Variants in DLG2 observed in about 807,000 individuals in gnomAD.
DLG2 encodes the protein disks large homolog 2.
DLG2 carries 45 observed loss-of-function variants against 132.5 expected under a neutral mutation model. That is an observed-to-expected ratio of 0.34 (90% CI 0.27 to 0.44). The LOEUF (loss-of-function observed/expected upper bound fraction) is 0.44. DLG2 is among the 20% of genes least tolerant of loss of function. The probability of loss-of-function intolerance (pLI) is 1.00; values close to 1 mark genes in which losing one functional copy is unlikely to be tolerated. For missense variants in DLG2, 1,045 were observed against 1,196.9 expected (o/e 0.87, Z 1.87); for synonymous variants, 424 against 419.6 (o/e 1.01, Z -0.13).
At chr11:84,312,442 G>A (rs978995227) in intron 7 of DLG2, among the ~76,000 whole-genome samples, 3 of 152,144 alleles carry the variant, frequency 2.0e-5, no homozygotes, top group African/African-American at 7.2e-5. Context: ...TGGCACCATG[G>A]CATTCCAGGA....
chr11:84,531,111 G>T (rs187437385), intron 7 of DLG2, among the ~76,000 whole-genome samples: 1 of 151,732 alleles, frequency 6.6e-6, no homozygotes, highest in Non-Finnish European at 1.5e-5. Context: ...GGGAAACTTC[G>T]TTTCAAAAAA....
intron 20 of DLG2, among the ~76,000 whole-genome samples, chr11:83,532,996 G>C (rs1458521508): frequency 6.6e-6 from 1 of 152,032 alleles, no homozygotes; most frequent in East Asian, 1.9e-4. Context: ...TACGTATACT[G>C]AGAGTCACGT....
chr11:83,906,744 G>A (rs1254213339), intron 15 of DLG2, among the ~76,000 whole-genome samples: 2 of 152,088 alleles, frequency 1.3e-5, no homozygotes, highest in African/African-American at 4.8e-5. Context: ...GGGTCAATGA[G>A]CAAAGGTACT....
intron 6 of DLG2, among the ~76,000 whole-genome samples, chr11:84,642,790 T>C (rs1303630940): frequency 6.6e-6 from 1 of 152,128 alleles, no homozygotes; most frequent in Non-Finnish European, 1.5e-5. Context: ...CATTGAACAG[T>C]CAAGGTGCCC....
rs118147202 is a variant in DLG2 at position 84,047,796 on chromosome 11, A to G, written c.919+11519T>C. On this transcript the variant is annotated intron_variant, in intron 11 of 27. Coordinates refer to ENST00000376104, the MANE Select transcript of DLG2 (RefSeq NM_001142699.3). ...TGGTCATGTTATCCCCAAAGGGCAC[A>G]TGACAGGAGTGGCATCATTCATTAA... 2.3e-4 allele frequency among the ~76,000 whole-genome samples: 35 copies of G among 151,794 alleles called. No individual in the cohort carries two copies. The East Asian group carries it at 6.6e-3, about 29-fold the overall frequency.
intron 4 of DLG2, among the ~76,000 whole-genome samples, chr11:85,230,066 A>T (rs1443268672): frequency 2.0e-5 from 3 of 151,980 alleles, no homozygotes; most frequent in African/African-American, 7.2e-5. Context: ...CACCATGGCA[A>T]GTGTACACCT....
chr11:85,099,353 T>G (rs942417882), intron 6 of DLG2, among the ~76,000 whole-genome samples: 1 of 152,204 alleles, frequency 6.6e-6, no homozygotes, highest in African/African-American at 2.4e-5. Context: ...GTCAGAACAG[T>G]AAGCAGATGC....
chr11:85,397,189 G>A (rs891559819), intron 3 of DLG2, among the ~76,000 whole-genome samples: 3 of 152,166 alleles, frequency 2.0e-5, no homozygotes, highest in African/African-American at 7.2e-5. Flanking sequence ...AACTTCTTAA[G>A]AGAATGAGAA....
intron 18 of DLG2, among the ~76,000 whole-genome samples, chr11:83,639,088 C>T (rs145329490): frequency 1.6e-3 from 246 of 152,278 alleles, no homozygotes; most frequent in Non-Finnish European, 2.9e-3. Context: ...TTAAAACTGC[C>T]CAGCTGCTCA....
chr11:84,493,228 G>A (rs940725207), intron 7 of DLG2, among the ~76,000 whole-genome samples: 19 of 152,248 alleles, frequency 1.2e-4, no homozygotes, highest in African/African-American at 4.3e-4. Context: ...TCATTGGGTA[G>A]TTTTACTTTT....
intron 15 of DLG2, among the ~76,000 whole-genome samples, chr11:83,884,296 G>A (rs553733776): frequency 9.7e-4 from 148 of 152,288 alleles, no homozygotes; most frequent in Non-Finnish European, 1.7e-3. Context: ...ATTATATCCC[G>A]CATCTGGCTC....
At chr11:85,451,421 A>C (rs2092238935) in intron 3 of DLG2, among the ~76,000 whole-genome samples, 1 of 152,188 alleles carries the variant, frequency 6.6e-6, no homozygotes, top group Non-Finnish European at 1.5e-5. Context: ...ATCTGTAGTG[A>C]TTTGAAAATA....
At chr11:83,734,140 C>T (rs1190771098) in intron 18 of DLG2, among the ~76,000 whole-genome samples, 1 of 152,114 alleles carries the variant, frequency 6.6e-6, no homozygotes, top group African/African-American at 2.4e-5. Context: ...TATCTATAGA[C>T]AGAAATATCT....
At chr11:84,513,197 A>T (rs563767234) in intron 7 of DLG2, among the ~76,000 whole-genome samples, 88 of 152,218 alleles carry the variant, frequency 5.8e-4, no homozygotes, top group South Asian at 4.4e-3. Context: ...GACACAAAAA[A>T]TGAAAAATAT....
intron 5 of DLG2, among the ~76,000 whole-genome samples, chr11:85,141,613 T>G (rs1371430101): frequency 6.6e-6 from 1 of 151,884 alleles, no homozygotes; most frequent in East Asian, 1.9e-4. Flanking sequence ...GAGGTATTAC[T>G]CAAGAAATTT....
chr11:84,124,778 A>G (rs1281690422), intron 9 of DLG2, among the ~76,000 whole-genome samples: 1 of 152,032 alleles, frequency 6.6e-6, no homozygotes, highest in Non-Finnish European at 1.5e-5. Context: ...ATGGCACTTA[A>G]ATAGTGCCAA....
intron 7 of DLG2, among the ~76,000 whole-genome samples, chr11:84,498,814 C>A (rs1169524827): frequency 6.6e-6 from 1 of 152,112 alleles, no homozygotes; most frequent in African/African-American, 2.4e-5. Context: ...TATCAAAAAA[C>A]TTATTTGTAA....
At chr11:83,593,402 C>G (rs1486397528) in intron 19 of DLG2, among the ~76,000 whole-genome samples, 1 of 151,406 alleles carries the variant, frequency 6.6e-6, no homozygotes, top group Non-Finnish European at 1.5e-5. Flanking sequence ...GAACAAAAAA[C>G]CAAACACCGC....
intron 4 of DLG2, among the ~76,000 whole-genome samples, chr11:85,164,519 T>C (rs2078282037): frequency 6.6e-6 from 1 of 152,194 alleles, no homozygotes; most frequent in South Asian, 2.1e-4. Context: ...TCAATTATGC[T>C]CTCATAGAAA....
Sources: gnomAD v4.1 joint callset for allele counts (sites outside exome capture counted in the v4.1 genomes callset) on GRCh38, gnomAD v4.1.1 for gene constraint, MANE v1.5 for transcripts, NCBI Gene and HGNC (gene_info 2026-07-23, HGNC 2026-07-21) for gene names.